Variants in NEDD4 observed in about 807,000 individuals in gnomAD.
The protein encoded by NEDD4 is E3 ubiquitin-protein ligase NEDD4.
A neutral mutation model predicts 144.9 loss-of-function variants in NEDD4; 99 were observed. The observed-to-expected ratio is 0.68, with a 90% CI of 0.58 to 0.81. NEDD4 has a LOEUF of 0.81. Among genes scored for constraint, NEDD4 ranks in the 30% least tolerant of loss-of-function variants. The probability of loss-of-function intolerance (pLI) is 0.00; values close to 1 mark genes in which losing one functional copy is unlikely to be tolerated. For missense variants in NEDD4, 985 were observed against 1,065.9 expected (o/e 0.92, Z 1.06); for synonymous variants, 318 against 350.6 (o/e 0.91, Z 1.04).
At chr15:55,832,441 G>A (rs547676521) in intron 27 of NEDD4, among the ~76,000 whole-genome samples, 3 of 152,014 alleles carry the variant, frequency 2.0e-5, no homozygotes, top group East Asian at 3.9e-4. Flanking sequence ...TTGAGACAGG[G>A]TCTCAGTCTG....
At chr15:55,863,111 C>A (rs373123879) in intron 8 of NEDD4, 32 bp from the exon 9 acceptor site, 3 of 1,489,644 alleles carry the variant, frequency 2.0e-6, no homozygotes, top group East Asian at 2.4e-5. Context: ...ATTAAGTTTA[C>A]GCATGATTTT....
intron 2 of NEDD4, among the ~76,000 whole-genome samples, chr15:55,961,063 G>T (rs2037417369): frequency 6.6e-6 from 1 of 152,210 alleles, no homozygotes; most frequent in African/African-American, 2.4e-5. Flanking sequence ...CCTAGAGAGT[G>T]GCTATCTGCT....
chr15:55,962,480 G>A (rs1421932231), intron 2 of NEDD4, among the ~76,000 whole-genome samples: 3 of 152,074 alleles, frequency 2.0e-5, no homozygotes, highest in Admixed American at 6.6e-5. Flanking sequence ...TTTCACTCTT[G>A]TCATGCAGGC....
chr15:55,892,748 G>A (rs2035613004), intron 5 of NEDD4, among the ~76,000 whole-genome samples: 1 of 152,076 alleles, frequency 6.6e-6, no homozygotes, highest in South Asian at 2.1e-4. Flanking sequence ...CTGACATAGT[G>A]TTATGCAGCT....
intron 5 of NEDD4, among the ~76,000 whole-genome samples, chr15:55,874,339 T>C (rs2034914063): frequency 6.6e-6 from 1 of 152,126 alleles, no homozygotes. Flanking sequence ...TAAGATTCAG[T>C]ATTTATATGG....
intron 1 of NEDD4, among the ~76,000 whole-genome samples, chr15:55,986,886 C>G (rs566102093): frequency 6.6e-6 from 1 of 152,028 alleles, no homozygotes; most frequent in Non-Finnish European, 1.5e-5. Flanking sequence ...TGAGCCACCG[C>G]GCCCGGCCAA....
At chr15:55,960,295 GAC>G (rs1330334188) in intron 2 of NEDD4, among the ~76,000 whole-genome samples, 2 of 152,202 alleles carry the variant, frequency 1.3e-5, no homozygotes, top group African/African-American at 2.4e-5. Flanking sequence ...GGGAGAGGCA[GAC>G]ACACCCTCAA....
chr15:55,953,483 C>A (rs1566967206), intron 2 of NEDD4, among the ~76,000 whole-genome samples: 1 of 151,212 alleles, frequency 6.6e-6, no homozygotes, highest in Non-Finnish European at 1.5e-5. Flanking sequence ...ACTCTGTAAT[C>A]CAGGCTGGAG....
intron 4 of NEDD4, among the ~76,000 whole-genome samples, chr15:55,927,638 A>T (rs1294927652): frequency 6.6e-6 from 1 of 152,196 alleles, no homozygotes; most frequent in South Asian, 2.1e-4. Flanking sequence ...GACATCCAGA[A>T]GAAGAGTTAA....
chr15:55,843,335 C>A (rs1281586718), intron 18 of NEDD4, among the ~76,000 whole-genome samples: 1 of 152,224 alleles, frequency 6.6e-6, no homozygotes, highest in Non-Finnish European at 1.5e-5. Context: ...CTATTATTGT[C>A]TTCATTTTAC....
intron 1 of NEDD4, among the ~76,000 whole-genome samples, chr15:55,982,822 C>A (rs2037825528): frequency 6.6e-6 from 1 of 152,080 alleles, no homozygotes; most frequent in South Asian, 2.1e-4. Flanking sequence ...AACAAACAGT[C>A]AGTAAAATAA....
chr15:55,914,421 A>G (rs541244344), intron 5 of NEDD4, among the ~76,000 whole-genome samples: 1 of 152,098 alleles, frequency 6.6e-6, no homozygotes, highest in South Asian at 2.1e-4. Flanking sequence ...GCCAAATTAC[A>G]TAAAGAACTT....
intron 8 of NEDD4, among the ~76,000 whole-genome samples, chr15:55,863,685 T>C (rs1336285294): frequency 6.6e-6 from 1 of 152,226 alleles, no homozygotes; most frequent in Non-Finnish European, 1.5e-5. Flanking sequence ...TTTAAACTAC[T>C]AGTGTAATCT....
At chr15:55,862,861 T>C (rs1223017539) in intron 9 of NEDD4, 52 bp downstream of exon 9, 2 of 1,480,324 alleles carry the variant, frequency 1.4e-6, no homozygotes, top group Non-Finnish European at 1.8e-6. Flanking sequence ...AAAATGAAAA[T>C]TCGTAGTTAA....
chr15:55,845,703 A>G (rs1219286116), intron 18 of NEDD4, among the ~76,000 whole-genome samples: 1 of 152,182 alleles, frequency 6.6e-6, no homozygotes, highest in Non-Finnish European at 1.5e-5. Context: ...TTAGCAGAAC[A>G]ATAAATCAGT....
intron 2 of NEDD4, among the ~76,000 whole-genome samples, chr15:55,956,082 GA>G (rs1439946145): frequency 6.6e-6 from 1 of 152,104 alleles, no homozygotes; most frequent in Non-Finnish European, 1.5e-5. Context: ...CCAAAGTGCT[GA>G]GATTACAGGT....
chr15:55,839,527 G>T (rs1271090117), intron 21 of NEDD4, among the ~76,000 whole-genome samples: 3 of 152,180 alleles, frequency 2.0e-5, no homozygotes, highest in Non-Finnish European at 2.9e-5. Flanking sequence ...TTGGTACTAA[G>T]GAAGATGCCC....
rs563441523 is a variant in NEDD4 at position 55,904,384 on chromosome 15, C to A, written c.291+20262G>T. Among the ~76,000 whole-genome samples the A allele has an allele frequency of 1.3e-5, 2 of 152,154 alleles. 1 individual carries two copies. Among genetic ancestry groups the A allele is most frequent in the South Asian group, 4.2e-4 (2 of 4,818 alleles). On this transcript the variant is annotated intron_variant, in intron 5 of 28. Coordinates refer to ENST00000435532, the MANE Select transcript of NEDD4 (RefSeq NM_006154.4). The stretch of plus-strand genomic sequence containing the variant: ...GTGGCTCGATCTCGGCTCACTGCAA[C>A]CTCCGCCTCCCAGGTTAAAGACATT...
At chr15:55,952,142 C>A (rs926803089) in intron 2 of NEDD4, among the ~76,000 whole-genome samples, 2 of 151,280 alleles carry the variant, frequency 1.3e-5, no homozygotes, top group Non-Finnish European at 2.9e-5. Flanking sequence ...TCCTGGCTAA[C>A]ATGGTGAAAC....
Sources: allele counts gnomAD v4.1 joint callset (sites outside exome capture counted in the v4.1 genomes callset), GRCh38; gene constraint gnomAD v4.1.1; transcripts MANE v1.5; gene names NCBI Gene and HGNC (gene_info 2026-07-23, HGNC 2026-07-21).